The following PLEKHJ1 variants were observed in gnomAD, a reference collection of about 807,000 sequenced individuals.
PLEKHJ1 encodes pleckstrin homology domain containing J1.
Under a neutral mutation model 21.7 loss-of-function variants are expected in PLEKHJ1, and 20 were observed. That is an observed-to-expected ratio of 0.92 (90% confidence interval 0.65 to 1.34). The LOEUF (loss-of-function observed/expected upper bound fraction) is 1.34. Ranked by LOEUF, PLEKHJ1 falls within the 40% of genes most tolerant of loss-of-function variation. PLEKHJ1 has a pLI of 0.00. For missense variants in PLEKHJ1, 241 were observed against 202.0 expected (o/e 1.19, Z -1.17); for synonymous variants, 113 against 80.6 (o/e 1.40, Z -2.15).
At chr19:2,234,312 C>A in intron 3 of PLEKHJ1, 72 bp from the exon 4 acceptor site, 1 of 1,159,954 alleles carries the variant, frequency 8.6e-7, no homozygotes, top group Non-Finnish European at 1.3e-6. Flanking sequence ...TGCCCATAAA[C>A]TGTCCCTTCT....
In PLEKHJ1 at chr19:2,233,513, G is replaced by GC; in HGVS notation, c.*326dup. The GC allele has an allele frequency of 2.4e-6, 1 of 423,300 alleles. No homozygotes were observed. The highest frequency in any genetic ancestry group is 4.2e-6 in the Non-Finnish European group (1 of 235,428). The allele number at this position is 423,300 out of a possible 1,614,324, so 26.2% of individuals were successfully genotyped here. The stretch of plus-strand genomic sequence containing the variant: ...TTGCTGGGCAGTTTCATAAAATGCA[G>GC]CCCCTGCCCACACCCACCTGGCTTC... On this transcript the variant is annotated 3_prime_UTR_variant, in exon 6 of 6. Transcript: ENST00000326631.
Position 2,233,761 on chromosome 19 carries a change from G to A in PLEKHJ1, c.*79C>T. ...AAAAACCAAAAACCAAAACAAAACAGATCCAGGCATGGCCAAGCGATTCAT... is the reference window on the plus strand; with the variant it reads ...AAAAACCAAAAACCAAAACAAAACAAATCCAGGCATGGCCAAGCGATTCAT... On this transcript the variant is annotated 3_prime_UTR_variant, in exon 6 of 6. Coordinates refer to ENST00000326631, the MANE Select transcript of PLEKHJ1 (RefSeq NM_018049.3). 2 of 1,381,184 alleles carry A rather than the reference G, an allele frequency of 1.4e-6. No individual in the cohort carries two copies. The highest frequency in any genetic ancestry group is 2.0e-6 in the Non-Finnish European group (2 of 1,010,802). 85.6% of individuals were successfully genotyped at this position (1,381,184 alleles called of 1,614,324 possible).
chr19:2,236,142 G>C lies in PLEKHJ1; in HGVS notation c.94+13C>G. ...GCCCCTGGCACTGTCTCGGTCTCCC[G>C]GGTCCCGCTCACCGCTGCCCTTCTT... is the stretch of plus-strand genomic sequence containing the variant. On this transcript the variant is annotated intron_variant, in intron 1 of 5. Coordinates refer to ENST00000326631, the MANE Select transcript of PLEKHJ1 (RefSeq NM_018049.3). 6.8e-7 allele frequency: 1 copy of C among 1,465,104 alleles called. No homozygotes were observed. Among genetic ancestry groups the C allele is most frequent in the Non-Finnish European group, 9.0e-7 (1 of 1,109,594 alleles). The allele number at this position is 1,465,104 out of a possible 1,614,324, so 90.8% of individuals were successfully genotyped here. A position where few individuals can be genotyped will look rare whatever the true frequency, so the allele number is the denominator to read the frequency against.
intron 2 of PLEKHJ1, 45 bp downstream of exon 2, chr19:2,235,878 A>T: frequency 3.1e-6 from 5 of 1,592,114 alleles, no homozygotes; most frequent in Non-Finnish European, 4.3e-6. Flanking sequence ...CCGGCCTCCG[A>T]GGGGCCCAGC....
chr19:2,230,718 T>C (rs534502142), downstream of PLEKHJ1: 57 of 397,802 alleles, frequency 1.4e-4, 1 homozygote, highest in South Asian at 6.8e-3. Flanking sequence ...GATGGTATAA[T>C]GCACAGTGAA....
chr19:2,232,784 T>C (rs992761270), downstream of PLEKHJ1, among the ~76,000 whole-genome samples: 4 of 152,052 alleles, frequency 2.6e-5, no homozygotes, highest in African/African-American at 9.7e-5. Flanking sequence ...GGGAGGCTTA[T>C]GAGGGCACCA....
chr19:2,236,157 C>G lies in PLEKHJ1; in HGVS notation c.92G>C (p.Ser31Thr), dbSNP rs1452499619. 2.7e-6 allele frequency: 4 copies of G among 1,479,214 alleles called. No homozygotes were observed. In the East Asian group the frequency reaches 1.2e-4, roughly 44 times the overall value. 91.6% of individuals were successfully genotyped at this position (1,479,214 alleles called of 1,614,324 possible). A position where few individuals can be genotyped will look rare whatever the true frequency, so the allele number is the denominator to read the frequency against. ...ELGMRGPKKG[S>T]VLKRRLVKLV... ...TCGGTCTCCCGGGTCCCGCTCACCG[C>G]TGCCCTTCTTGGGGCCCCTCATGCC... The change falls in exon 1 of 6, where the codon AGC becomes ACC. Residue 31 changes from serine (S) to threonine (T), a missense_variant and splice_region_variant. Transcript: ENST00000326631.
rs963641235 is a variant in PLEKHJ1, at chr19:2,233,581, C to T, written c.*259G>A. The T allele has an allele frequency of 1.8e-6, 1 of 542,010 alleles. No homozygotes were observed. The highest frequency in any genetic ancestry group is 3.4e-5 in the Admixed American group (1 of 29,504). 33.6% of individuals were successfully genotyped at this position (542,010 alleles called of 1,614,324 possible). ...AAACCAAAAACCTCCCACTGAAAAT[C>T]CAGGTGTGATGGCCGGGTGTGGCGG... On this transcript the variant is annotated 3_prime_UTR_variant, in exon 6 of 6. Transcript: ENST00000326631.
At chr19:2,230,400 C>T (rs2024547691), downstream of PLEKHJ1, 2 of 402,830 alleles carry the variant, frequency 5.0e-6, no homozygotes, top group Non-Finnish European at 4.4e-6. Flanking sequence ...CACTGTGAAC[C>T]CCCAGACTGT....
downstream of PLEKHJ1, chr19:2,231,029 G>A (rs2144971478): frequency 4.2e-6 from 1 of 236,800 alleles, no homozygotes. Flanking sequence ...TGCAGCCTTG[G>A]CGGGTGCCTG....
At chr19:2,230,378 C>T (rs906210377), downstream of PLEKHJ1, 7 of 407,504 alleles carry the variant, frequency 1.7e-5, no homozygotes, top group Non-Finnish European at 3.0e-5. Flanking sequence ...GAGCTCTTCA[C>T]CTTTACCCCG....
chr19:2,232,529 C>T (rs1042932), downstream of PLEKHJ1: 53 of 217,954 alleles, frequency 2.4e-4, no homozygotes, highest in Middle Eastern at 1.4e-3. Flanking sequence ...CCCCTGCATT[C>T]TGCATCCCCA....
chr19:2,232,484 C>T (rs1455783039), downstream of PLEKHJ1: 6 of 221,942 alleles, frequency 2.7e-5, no homozygotes, highest in South Asian at 3.7e-4. Flanking sequence ...TGTCACGGTC[C>T]GCCCCTGGGC....
chr19:2,236,097 G>A (rs1175835905), intron 1 of PLEKHJ1, 58 bp downstream of exon 1: 2 of 1,398,068 alleles, frequency 1.4e-6, no homozygotes, highest in Non-Finnish European at 1.9e-6. Context: ...CCCCCGCCCA[G>A]ACCCCGGCCC....
chr19:2,232,661 C>T (rs1164876469), downstream of PLEKHJ1: 6 of 180,756 alleles, frequency 3.3e-5, no homozygotes, highest in African/African-American at 9.4e-5. Context: ...AGTGTGTCAT[C>T]GCCGAAACGG....
chr19:2,231,048 T>G (rs2144971671), downstream of PLEKHJ1: 1 of 234,766 alleles, frequency 4.3e-6, no homozygotes, highest in Non-Finnish European at 8.4e-6. Context: ...TGGGACTGGG[T>G]GTGGAAGGAG....
Position 2,235,781 on chromosome 19 carries a change from C to G in PLEKHJ1, c.210G>C (p.Glu70Asp). The G allele has an allele frequency of 1.3e-6, 2 of 1,549,428 alleles. No homozygotes were observed. Among genetic ancestry groups the G allele is most frequent in the Non-Finnish European group, 1.7e-6 (2 of 1,146,774 alleles). ...ACTCACTGATGGAGAAGGTGCCGGG[C>G]TCTTCCCGGACGACTCTGCAGCGCT... is the stretch of plus-strand genomic sequence containing the variant. ...LLERCRVVREEPGTFSISFIE... is the reference protein window; with the variant it reads ...LLERCRVVREDPGTFSISFIE... The change falls in exon 3 of 6, where the codon GAG (glutamate) becomes GAC (aspartate). Residue 70 changes from glutamate (E) to aspartate (D), a missense_variant. Coordinates refer to ENST00000326631, the MANE Select transcript of PLEKHJ1 (RefSeq NM_018049.3).
chr19:2,230,801 G>C (rs11881848), downstream of PLEKHJ1: 28 of 383,948 alleles, frequency 7.3e-5, no homozygotes, highest in Non-Finnish European at 9.7e-5. Flanking sequence ...CGTCAGCCCC[G>C]ACCCTAGACC....
chr19:2,230,312 C>T (rs537098217), downstream of PLEKHJ1: 2 of 416,712 alleles, frequency 4.8e-6, no homozygotes, highest in African/African-American at 2.0e-5. Context: ...CCACCACATT[C>T]CTCGGAGGCC....
Sources: gnomAD v4.1 joint callset for allele counts (sites outside exome capture counted in the v4.1 genomes callset) on GRCh38, gnomAD v4.1.1 for gene constraint, MANE v1.5 for transcripts, NCBI Gene and HGNC (gene_info 2026-07-23, HGNC 2026-07-21) for gene names.